DOCK1: variants seen among roughly 807,000 people sequenced by gnomAD.
DOCK1 encodes dedicator of cytokinesis protein 1.
DOCK1 carries 138 observed loss-of-function variants against 262.7 expected under a neutral mutation model. The observed-to-expected ratio is 0.53, with a 90% confidence interval of 0.46 to 0.61. The LOEUF is 0.61. Among genes scored for constraint, DOCK1 ranks in the 20% least tolerant of loss-of-function variants. The pLI is 0.00. For synonymous variants in DOCK1, 866 were observed against 867.4 expected, an observed-to-expected ratio of 1.00 and a Z score of 0.03; for missense variants, 1,908 against 2,370.7, an observed-to-expected ratio of 0.80 and a Z score of 4.05.
chr10:127,096,697 C>G (rs535080379), intron 23 of DOCK1, among the ~76,000 whole-genome samples: 1 of 151,680 alleles, frequency 6.6e-6, no homozygotes, highest in South Asian at 2.1e-4. Flanking sequence ...GAGACACTTA[C>G]AACCTTAAGC....
intron 1 of DOCK1, among the ~76,000 whole-genome samples, chr10:126,930,927 G>A (rs1591354224): frequency 1.3e-5 from 2 of 152,280 alleles, no homozygotes; most frequent in Non-Finnish European, 2.9e-5. Flanking sequence ...TGAAAGGGGA[G>A]CTGATAGAGG....
At chr10:127,419,824 C>T in intron 46 of DOCK1, 75 bp downstream of exon 46, 7 of 1,462,296 alleles carry the variant, frequency 4.8e-6, no homozygotes, top group Non-Finnish European at 5.6e-6. Flanking sequence ...GCACACACAC[C>T]AGCCAGCATG....
At chr10:126,910,451 C>T (rs774177048) in intron 1 of DOCK1, among the ~76,000 whole-genome samples, 6 of 152,242 alleles carry the variant, frequency 3.9e-5, no homozygotes, top group African/African-American at 7.2e-5. Flanking sequence ...CACACTTGTA[C>T]GCTGTTCCCA....
chr10:127,371,928 A>C (rs879864778), intron 33 of DOCK1, among the ~76,000 whole-genome samples: 2 of 152,166 alleles, frequency 1.3e-5, no homozygotes, highest in Non-Finnish European at 2.9e-5. Context: ...AAAATCGTTA[A>C]TGTGAGATTT....
At chr10:127,279,498 G>A (rs1006973621) in intron 29 of DOCK1, among the ~76,000 whole-genome samples, 2 of 152,286 alleles carry the variant, frequency 1.3e-5, no homozygotes, top group South Asian at 2.1e-4. Context: ...TAAGGTAATC[G>A]CTTGGAGAAA....
chr10:127,117,352 G>A (rs913592087), intron 25 of DOCK1, among the ~76,000 whole-genome samples: 1 of 152,182 alleles, frequency 6.6e-6, no homozygotes, highest in Non-Finnish European at 1.5e-5. Context: ...GATTGAGGAG[G>A]TGGCTTCTTA....
At chr10:127,318,245 C>T (rs1180505163) in intron 29 of DOCK1, among the ~76,000 whole-genome samples, 1 of 152,164 alleles carries the variant, frequency 6.6e-6, no homozygotes, top group Non-Finnish European at 1.5e-5. Context: ...AAGACGGGAA[C>T]TGTGTGAGCC....
In DOCK1 at chr10:127,293,174, C is replaced by T. The variant is rs535778904; in HGVS notation, c.3044+35745C>T. Among the ~76,000 whole-genome samples, 3 of 152,230 alleles carry T rather than the reference C, an allele frequency of 2.0e-5. No homozygotes were observed. In the South Asian group the frequency reaches 6.2e-4, roughly 32 times the overall value. On this transcript the variant is annotated intron_variant, in intron 29 of 51. Coordinates refer to ENST00000623213, the MANE Select transcript of DOCK1 (RefSeq NM_001290223.2). ...CTGCTGCTAGCCCAGGGCCACAAAG[C>T]GTCAAGGACGTTGAGCTCCTGTGCA...
intron 1 of DOCK1, among the ~76,000 whole-genome samples, chr10:126,936,547 TAGCTCAC>T (rs1224605640): frequency 6.6e-6 from 1 of 152,234 alleles, no homozygotes; most frequent in Non-Finnish European, 1.5e-5. Context: ...AAACCATTCT[TAGCTCAC>T]AGGAGTACAA....
At chr10:126,933,558 C>T (rs2034337707) in intron 1 of DOCK1, among the ~76,000 whole-genome samples, 1 of 152,056 alleles carries the variant, frequency 6.6e-6, no homozygotes, top group African/African-American at 2.4e-5. Context: ...GCCTGCTGGC[C>T]TAGGGAGGGG....
chr10:127,186,505 CCGCCCCCCCG>C (rs138346090), intron 27 of DOCK1, among the ~76,000 whole-genome samples: 9,686 of 18,122 alleles, frequency 0.53, 3,468 homozygotes, highest in Non-Finnish European at 0.73. Context: ...ATGGGAGAAA[CCGCCCCCCCG>C]CCCCCCCCCG....
intron 25 of DOCK1, among the ~76,000 whole-genome samples, chr10:127,111,762 C>T (rs2048879739): frequency 6.6e-6 from 1 of 152,204 alleles, no homozygotes; most frequent in South Asian, 2.1e-4. Context: ...CAGCGACATA[C>T]TGCATCACCA....
At chr10:127,036,813 A>C (rs912484797) in intron 18 of DOCK1, among the ~76,000 whole-genome samples, 1 of 151,744 alleles carries the variant, frequency 6.6e-6, no homozygotes, top group African/African-American at 2.4e-5. Flanking sequence ...GTCTCCACTA[A>C]AACTACAAAA....
chr10:126,997,729 C>T (rs1400698992), intron 7 of DOCK1: 3 of 237,452 alleles, frequency 1.3e-5, no homozygotes, highest in South Asian at 6.6e-5. Flanking sequence ...TACTGTGTAC[C>T]AAATGTTGAA....
intron 1 of DOCK1, among the ~76,000 whole-genome samples, chr10:126,933,975 C>A (rs2034368795): frequency 6.6e-6 from 1 of 152,026 alleles, no homozygotes; most frequent in Non-Finnish European, 1.5e-5. Context: ...CCACCATGCC[C>A]AGCTAATTTT....
intron 27 of DOCK1, among the ~76,000 whole-genome samples, chr10:127,239,912 T>C (rs2059204341): frequency 6.6e-6 from 1 of 152,154 alleles, no homozygotes; most frequent in Non-Finnish European, 1.5e-5. Flanking sequence ...GTATGTAATA[T>C]TTGATTATAA....
chr10:127,110,403 G>T, intron 25 of DOCK1, 49 bp downstream of exon 25: 1 of 1,520,896 alleles, frequency 6.6e-7, no homozygotes, highest in Non-Finnish European at 9.0e-7. Context: ...TTTATTTTCT[G>T]AAGACATTGA....
chr10:127,378,353 G>T (rs80208958), intron 35 of DOCK1, among the ~76,000 whole-genome samples: 1,547 of 152,304 alleles, frequency 0.01, 14 homozygotes, highest in Middle Eastern at 0.027. Flanking sequence ...GTCCCAATGG[G>T]GTTCCTCTGG....
chr10:127,431,541 G>A (rs547369229), intron 47 of DOCK1, among the ~76,000 whole-genome samples: 52 of 152,288 alleles, frequency 3.4e-4, no homozygotes, highest in Admixed American at 1.0e-3. Flanking sequence ...TCTTCTAAAG[G>A]CAGAGTAATT....
Sources: gnomAD v4.1 joint callset for allele counts (sites outside exome capture counted in the v4.1 genomes callset) on GRCh38, gnomAD v4.1.1 for gene constraint, MANE v1.5 for transcripts, NCBI Gene and HGNC (gene_info 2026-07-23, HGNC 2026-07-21) for gene names.